Variants in RANBP2 observed in about 807,000 individuals in gnomAD.
The protein encoded by RANBP2 is E3 SUMO-protein ligase RanBP2.
Under a neutral mutation model 303.6 loss-of-function variants are expected in RANBP2, and 57 were observed. The ratio of observed to expected loss-of-function variants is 0.19; its 90% CI spans 0.15 to 0.23. The LOEUF is 0.23. Ranked by LOEUF, RANBP2 falls within the 10% of genes least tolerant of loss-of-function variation. The pLI, the probability that RANBP2 is intolerant of heterozygous loss-of-function variation, is 1.00. For missense variants in RANBP2, 3,138 were observed against 3,780.8 expected, an observed-to-expected ratio of 0.83 and a Z score of 4.46; for synonymous variants, 1,167 against 1,301.5, an observed-to-expected ratio of 0.90 and a Z score of 2.23.
At chr2:108,965,173 A>G in the RANBP2 span, among the ~76,000 whole-genome samples, 1 of 152,092 alleles carries the variant, frequency 6.6e-6, no homozygotes, top group African/African-American at 2.4e-5. Context: ...TGTCATGATT[A>G]TATCTTTTAA....
chr2:109,114,030 G>A, the RANBP2 span, among the ~76,000 whole-genome samples: 2 of 152,080 alleles, frequency 1.3e-5, no homozygotes, highest in East Asian at 1.9e-4. Context: ...TGCTGGGTTC[G>A]GTTTGCCAGT....
chr2:109,346,318 G>GTAGAATGA, the RANBP2 span, among the ~76,000 whole-genome samples: 1 of 152,280 alleles, frequency 6.6e-6, no homozygotes, highest in African/African-American at 2.4e-5. Flanking sequence ...AAACATAAAT[G>GTAGAATGA]TAGAATGATT....
chr2:108,751,654 C>G lies in RANBP2; in HGVS notation c.1582C>G (p.Gln528Glu), dbSNP rs993324810. 6.2e-7 allele frequency: 1 copy of G among 1,611,290 alleles called. No individual in the cohort carries two copies. The highest frequency in any genetic ancestry group is 8.5e-7 in the Non-Finnish European group (1 of 1,179,510). Reference sequence around the variant, plus strand: ...GTGTAAACAGCTTTGTACAGAAAGACAAAAATCTTGGTGGGATGCGGTTTG... The same window carrying G: ...GTGTAAACAGCTTTGTACAGAAAGAGAAAAATCTTGGTGGGATGCGGTTTG... Reference protein sequence around the residue: ...PVCKQLCTERQKSWWDAVCTL... With the variant: ...PVCKQLCTEREKSWWDAVCTL... The change falls in exon 11 of 29, where the codon CAA (glutamine) becomes GAA (glutamate). Residue 528 changes from glutamine (Q) to glutamate (E), a missense_variant. Coordinates refer to ENST00000283195, the MANE Select transcript of RANBP2 (RefSeq NM_006267.5).
the RANBP2 span, among the ~76,000 whole-genome samples, chr2:108,941,788 A>C: frequency 6.6e-6 from 1 of 152,216 alleles, no homozygotes; most frequent in African/African-American, 2.4e-5. Flanking sequence ...AGAAGCAAAC[A>C]GCCCATGTGT....
At chr2:109,026,452 G>A in the RANBP2 span, among the ~76,000 whole-genome samples, 6 of 152,066 alleles carry the variant, frequency 3.9e-5, no homozygotes, top group African/African-American at 7.2e-5. Flanking sequence ...AATGGCCACC[G>A]TTTTTGCTTT....
chr2:109,582,493 A>T, the RANBP2 span, among the ~76,000 whole-genome samples: 7 of 151,960 alleles, frequency 4.6e-5, no homozygotes, highest in Non-Finnish European at 7.4e-5. Flanking sequence ...TTAATTTTTT[A>T]AAATTTTTTG....
the RANBP2 span, among the ~76,000 whole-genome samples, chr2:108,908,743 TA>T: frequency 6.6e-6 from 1 of 152,248 alleles, no homozygotes; most frequent in Non-Finnish European, 1.5e-5. Flanking sequence ...TATTCTTTTT[TA>T]GAGGCATCCT....
chr2:108,897,270 A>C, the RANBP2 span: 1 of 1,546,840 alleles, frequency 6.5e-7, no homozygotes, highest in Non-Finnish European at 8.9e-7. Flanking sequence ...TGCAAGTCAC[A>C]GTCAATAGAA....
Position 108,766,669 on chromosome 2 carries a change from A to C in RANBP2, c.6130A>C (p.Arg2044=). The change falls in exon 20 of 29, where the codon AGA becomes CGA. Residue 2044 remains arginine, a synonymous_variant. Transcript: ENST00000283195. ...VLYSQRVKLF[R]FDAEVSQWKE... ...GTATTCACAGCGGGTAAAACTATTT[A>C]GATTTGATGCTGAGGTAAGTCAGTG... is the stretch of plus-strand genomic sequence containing the variant. The C allele has an allele frequency of 1.2e-6, 2 of 1,612,000 alleles. No individual in the cohort carries two copies. The highest frequency in any genetic ancestry group is 1.7e-6 in the Non-Finnish European group (2 of 1,179,842).
At chr2:109,475,621 CCT>C in the RANBP2 span, among the ~76,000 whole-genome samples, 2 of 152,250 alleles carry the variant, frequency 1.3e-5, no homozygotes, top group African/African-American at 2.4e-5. Context: ...GCCAGATAAT[CCT>C]CTGTTTTGAG....
the RANBP2 span, among the ~76,000 whole-genome samples, chr2:108,942,395 G>A: frequency 6.6e-6 from 1 of 152,242 alleles, no homozygotes; most frequent in African/African-American, 2.4e-5. Flanking sequence ...GGGCTGAGGG[G>A]AGGAAGGGCT....
the RANBP2 span, chr2:108,930,982 G>C: frequency 1.9e-6 from 3 of 1,614,014 alleles, no homozygotes; most frequent in East Asian, 6.7e-5. Flanking sequence ...CGGGGAGCCA[G>C]GGCGTCTGCG....
chr2:109,543,488 T>C, the RANBP2 span: 1 of 152,156 alleles, frequency 6.6e-6, no homozygotes, highest in Non-Finnish European at 1.5e-5. Flanking sequence ...ATATCACCAA[T>C]TGGGTAATTG....
rs1694330365 is a variant in RANBP2, at chr2:108,722,365, T to G, written c.72+2687T>G. Among the ~76,000 whole-genome samples, 5 of 151,950 alleles carry G rather than the reference T, an allele frequency of 3.3e-5. No individual in the cohort carries two copies. The South Asian group carries it at 8.3e-4, about 25-fold the overall frequency. ...GAACATGTGAAGCTATTCTGTAAAG[T>G]TAGGTTTGAGTGAAATGACAAAACA... is the stretch of plus-strand genomic sequence containing the variant. On this transcript the variant is annotated intron_variant, in intron 1 of 28. Coordinates refer to ENST00000283195, the MANE Select transcript of RANBP2 (RefSeq NM_006267.5).
chr2:108,736,940 G>A (rs377384980), intron 6 of RANBP2, among the ~76,000 whole-genome samples: 16 of 151,466 alleles, frequency 1.1e-4, no homozygotes, highest in East Asian at 5.8e-4. Flanking sequence ...ATACTACAAG[G>A]TTGGAGTTGA....
chr2:109,078,268 G>GTA, the RANBP2 span, among the ~76,000 whole-genome samples: 2,417 of 46,192 alleles, frequency 0.052, 265 homozygotes, highest in East Asian at 0.086. Flanking sequence ...TATATAGCGC[G>GTA]TATATATATA....
the RANBP2 span, among the ~76,000 whole-genome samples, chr2:109,351,910 G>C: frequency 6.6e-6 from 1 of 152,192 alleles, no homozygotes; most frequent in Non-Finnish European, 1.5e-5. Flanking sequence ...TCAAAAGTAT[G>C]GGAAGTCTTA....
In RANBP2 at chr2:108,754,094, A is replaced by T; in HGVS notation, c.2202+123A>T. ...TAATATGTTGTTATTAATGCACAGA[A>T]GGGATATGTGTGTCTAAATGCTTAT... On this transcript the variant is annotated intron_variant, in intron 15 of 28. Transcript: ENST00000283195. 8.7e-6 allele frequency: 14 copies of T among 1,602,998 alleles called. 1 individual carries two copies. In the South Asian group the frequency reaches 1.6e-4, roughly 18 times the overall value.
At chr2:109,683,639 G>A in the RANBP2 span, among the ~76,000 whole-genome samples, 2 of 152,010 alleles carry the variant, frequency 1.3e-5, no homozygotes, top group Non-Finnish European at 2.9e-5. Flanking sequence ...CTGCTCCACC[G>A]AGCGCTGGAC....
Sources: gnomAD v4.1 joint callset for allele counts (sites outside exome capture counted in the v4.1 genomes callset) on GRCh38, gnomAD v4.1.1 for gene constraint, MANE v1.5 for transcripts, NCBI Gene and HGNC (gene_info 2026-07-23, HGNC 2026-07-21) for gene names.